GREB1L: variants seen among roughly 807,000 people sequenced by gnomAD.
GREB1L encodes the protein GREB1 like retinoic acid receptor coactivator, also known as GREB1-like protein.
A neutral mutation model predicts 200.8 loss-of-function variants in GREB1L; 17 were observed. That is an observed-to-expected ratio of 0.08 (90% CI 0.06 to 0.13). The LOEUF is 0.13. Ranked by LOEUF, GREB1L falls within the 10% of genes least tolerant of loss-of-function variation. The pLI, the probability that GREB1L is intolerant of heterozygous loss-of-function variation, is 1.00. For missense variants in GREB1L, 1,657 were observed against 2,367.7 expected, an observed-to-expected ratio of 0.70 and a Z score of 6.23; for synonymous variants, 789 against 893.0, an observed-to-expected ratio of 0.88 and a Z score of 2.08.
At chr18:21,517,659 C>CA (rs1052418364) in intron 30 of GREB1L, among the ~76,000 whole-genome samples, 37 of 152,212 alleles carry the variant, frequency 2.4e-4, no homozygotes, top group African/African-American at 8.7e-4. Context: ...TGGGGGCTAC[C>CA]AGTGGAGCTT....
intron 21 of GREB1L, among the ~76,000 whole-genome samples, chr18:21,498,919 G>A (rs980449596): frequency 2.6e-5 from 4 of 152,224 alleles, no homozygotes; most frequent in South Asian, 4.1e-4. Flanking sequence ...GCAACAAGCC[G>A]AGCTCAGAGA....
intron 1 of GREB1L, among the ~76,000 whole-genome samples, chr18:21,287,028 A>G (rs1195818556): frequency 2.0e-5 from 3 of 152,278 alleles, no homozygotes; most frequent in Middle Eastern, 3.4e-3. Flanking sequence ...TAGGTTTTTA[A>G]GGTCCTGTGT....
At chr18:21,251,624 A>G (rs71358422) in intron 1 of GREB1L, among the ~76,000 whole-genome samples, 5 of 152,162 alleles carry the variant, frequency 3.3e-5, no homozygotes, top group South Asian at 2.1e-4. Flanking sequence ...TAGATTGGGG[A>G]AAAAAATCTG....
rs566916814 is a variant in GREB1L at position 21,515,595 on chromosome 18, A to G, written c.5080A>G (p.Ile1694Val). 6.4e-7 allele frequency: 1 copy of G among 1,551,700 alleles called. No homozygotes were observed. Among genetic ancestry groups the G allele is most frequent in the East Asian group, 2.4e-5 (1 of 40,922 alleles). ...CTCTAGGTGTCACGTGCATGATTTC[A>G]TTCTCCTCAACACAGACTTGACTCA... ...PFSRCHVHDFILLNTDLTQNV... is the reference protein window; with the variant it reads ...PFSRCHVHDFVLLNTDLTQNV... Residue 1694 changes from isoleucine (I) to valine (V), a missense_variant, in exon 29 of 33, where the codon ATT (isoleucine) becomes GTT (valine). Around this residue, in one of 9 missense-constraint regions of GREB1L, gnomAD observed 151 missense variants for 309.6 expected, o/e 0.49. Transcript: ENST00000424526.
At chr18:21,272,914 A>G (rs563314165) in intron 1 of GREB1L, among the ~76,000 whole-genome samples, 36 of 152,334 alleles carry the variant, frequency 2.4e-4, no homozygotes, top group African/African-American at 8.4e-4. Flanking sequence ...TTTTATTTAT[A>G]TAATTTTTAT....
intron 1 of GREB1L, among the ~76,000 whole-genome samples, chr18:21,302,599 G>A (rs750900966): frequency 1.2e-4 from 18 of 152,186 alleles, no homozygotes; most frequent in Admixed American, 8.5e-4. Context: ...GGGACATAGC[G>A]GCTTCCTTAA....
At chr18:21,387,904 G>A (rs2144163821) in intron 4 of GREB1L, among the ~76,000 whole-genome samples, 1 of 152,206 alleles carries the variant, frequency 6.6e-6, no homozygotes, top group Non-Finnish European at 1.5e-5. Context: ...AAATATTGCT[G>A]TTTGCATAAT....
chr18:21,309,409 A>G (rs1291920564), intron 1 of GREB1L, among the ~76,000 whole-genome samples: 3 of 152,184 alleles, frequency 2.0e-5, no homozygotes, highest in Non-Finnish European at 4.4e-5. Flanking sequence ...CCTCACGGTC[A>G]TCTTTAGCAT....
intron 2 of GREB1L, among the ~76,000 whole-genome samples, chr18:21,370,421 G>T (rs2039829728): frequency 6.6e-6 from 1 of 152,182 alleles, no homozygotes; most frequent in Admixed American, 6.5e-5. Flanking sequence ...TAATATTTTG[G>T]ATTTGAGACT....
chr18:21,332,964 C>T (rs2039127563), intron 1 of GREB1L, among the ~76,000 whole-genome samples: 1 of 151,986 alleles, frequency 6.6e-6, no homozygotes, highest in African/African-American at 2.4e-5. Flanking sequence ...ACCTGTAGTC[C>T]CACCTGCTTA....
At chr18:21,247,303 A>C (rs1335364925) in intron 1 of GREB1L, among the ~76,000 whole-genome samples, 1 of 152,150 alleles carries the variant, frequency 6.6e-6, no homozygotes, top group Non-Finnish European at 1.5e-5. Flanking sequence ...TTGTGGTTTC[A>C]GATTTTATTT....
At chr18:21,328,973 C>T (rs568620776) in intron 1 of GREB1L, among the ~76,000 whole-genome samples, 46 of 152,092 alleles carry the variant, frequency 3.0e-4, no homozygotes, top group Non-Finnish European at 5.7e-4. Context: ...AGCTGGGATC[C>T]AGTCAGCATA....
intron 1 of GREB1L, among the ~76,000 whole-genome samples, chr18:21,296,470 T>C (rs1413008561): frequency 6.6e-6 from 1 of 152,132 alleles, no homozygotes; most frequent in Non-Finnish European, 1.5e-5. Context: ...AAACTACTTA[T>C]TGGGTACTAC....
intron 7 of GREB1L, among the ~76,000 whole-genome samples, chr18:21,434,094 C>G (rs1160426182): frequency 6.6e-6 from 1 of 151,986 alleles, no homozygotes; most frequent in Non-Finnish European, 1.5e-5. Context: ...GAGAAAAATG[C>G]TTTCTCCTAC....
At chr18:21,433,395 A>T (rs1254732103) in intron 7 of GREB1L, among the ~76,000 whole-genome samples, 1 of 152,228 alleles carries the variant, frequency 6.6e-6, no homozygotes, top group African/African-American at 2.4e-5. Flanking sequence ...TATAGGTATA[A>T]ACTAGTATAG....
At chr18:21,376,344 C>T (rs1015777312) in intron 2 of GREB1L, among the ~76,000 whole-genome samples, 4 of 151,124 alleles carry the variant, frequency 2.6e-5, no homozygotes, top group South Asian at 4.2e-4. Flanking sequence ...GTCTCAAACT[C>T]CTGACCTCAG....
chr18:21,429,927 G>A (rs2033007696), intron 7 of GREB1L, among the ~76,000 whole-genome samples: 1 of 152,140 alleles, frequency 6.6e-6, no homozygotes, highest in Admixed American at 6.5e-5. Flanking sequence ...TGGACACCTG[G>A]AAGTCCAAGA....
At chr18:21,290,382 T>C (rs2038427381) in intron 1 of GREB1L, among the ~76,000 whole-genome samples, 1 of 152,230 alleles carries the variant, frequency 6.6e-6, no homozygotes, top group Non-Finnish European at 1.5e-5. Flanking sequence ...CTGCTTTATT[T>C]TGAAATCACA....
At chr18:21,357,649 A>G (rs892677308) in intron 1 of GREB1L, among the ~76,000 whole-genome samples, 3 of 152,160 alleles carry the variant, frequency 2.0e-5, no homozygotes, top group African/African-American at 7.2e-5. Flanking sequence ...TGATTTTTCT[A>G]TATGATGTAA....
Sources: allele counts gnomAD v4.1 joint callset (sites outside exome capture counted in the v4.1 genomes callset), GRCh38; gene constraint gnomAD v4.1.1; regional missense constraint gnomAD v4.1.1; transcripts MANE v1.5; gene names NCBI Gene and HGNC (gene_info 2026-07-23, HGNC 2026-07-21).